TNXB: variants seen among roughly 807,000 people sequenced by gnomAD.
TNXB encodes the protein tenascin XB.
In TNXB, 183 loss-of-function variants were observed where a neutral mutation model predicts 340.5. That is an observed-to-expected ratio of 0.54 (90% CI 0.48 to 0.61). The LOEUF (loss-of-function observed/expected upper bound fraction) is 0.61. Ranked by LOEUF, TNXB falls within the 20% of genes least tolerant of loss-of-function variation. The probability of loss-of-function intolerance (pLI) is 0.00; values close to 1 mark genes in which losing one functional copy is unlikely to be tolerated. For missense variants in TNXB, 4,613 were observed against 5,446.4 expected, an observed-to-expected ratio of 0.85 and a Z score of 4.82; for synonymous variants, 2,121 against 2,314.5, an observed-to-expected ratio of 0.92 and a Z score of 2.40.
Position 32,096,336 on chromosome 6 carries a change from C to T in TNXB, c.1517G>A (p.Arg506His), listed in dbSNP as rs867372806. Residue 506 changes from arginine (R) to histidine (H), a missense_variant, in exon 3 of 44, where the codon CGC (arginine) becomes CAC (histidine). Transcript: ENST00000644971. ...GCACACGCAGCGGCCATCCACGCAGCGCCCGCGCCCGCGACAGTCGCCAGG... is the reference window on the plus strand; with the variant it reads ...GCACACGCAGCGGCCATCCACGCAGTGCCCGCGCCCGCGACAGTCGCCAGG... ...ACPGDCRGRG[R>H]CVDGRCVCNP... 8 of 1,547,374 alleles carry T rather than the reference C, an allele frequency of 5.2e-6. No individual in the cohort carries two copies. Among genetic ancestry groups the T allele is most frequent in the Non-Finnish European group, 6.9e-6 (8 of 1,152,330 alleles).
Position 32,075,525 on chromosome 6 carries a change from G to A in TNXB, c.4376-1573C>T, listed in dbSNP as rs1175283585. On this transcript the variant is annotated intron_variant, in intron 11 of 43. Coordinates refer to ENST00000644971, the MANE Select transcript of TNXB (RefSeq NM_001365276.2). The surrounding 1 kb of genome is among the most constrained non-coding windows in gnomAD (Gnocchi z 4.6). Reference sequence around the variant, plus strand: ...AGGGCTTTCCTCAGACACTGCCCTCGCAGTGAGGCCCTTGCTGTCTCCCTA... The same window carrying A: ...AGGGCTTTCCTCAGACACTGCCCTCACAGTGAGGCCCTTGCTGTCTCCCTA... Among the ~76,000 whole-genome samples, 3 of 152,128 alleles carry A rather than the reference G, an allele frequency of 2.0e-5. No homozygotes were observed. The highest frequency in any genetic ancestry group is 4.4e-5 in the Non-Finnish European group (3 of 68,034).
At chr6:32,100,237 G>A (rs1165433653) in intron 1 of TNXB, among the ~76,000 whole-genome samples, 2 of 151,814 alleles carry the variant, frequency 1.3e-5, no homozygotes, top group African/African-American at 2.4e-5. Context: ...CCTGAGTAGC[G>A]GGGATTACAG....
chr6:32,050,087 C>A lies in TNXB; in HGVS notation c.9350G>T (p.Gly3117Val), dbSNP rs756922390. Residue 3117 changes from glycine (G) to valine (V), a missense_variant, in exon 27 of 44, where the codon GGC becomes GTC. Transcript: ENST00000644971. ...CTTGTATTTATGGTCTGGCTCCAGG[C>A]CTGAGATGGTGACCCCGTCCTCGTG... ...PGHEDGVTIS[G>V]LEPDHKYKMN... 10 of 1,613,742 alleles carry A rather than the reference C, an allele frequency of 6.2e-6. No individual in the cohort carries two copies. The highest frequency in any genetic ancestry group is 1.1e-5 in the South Asian group (1 of 91,086).
In TNXB at chr6:32,087,433, C is replaced by G. The variant is rs1260181274; in HGVS notation, c.2780-1315G>C. 6.3e-6 allele frequency: 3 copies of G among 478,786 alleles called. No individual in the cohort carries two copies. Among genetic ancestry groups the G allele is most frequent in the South Asian group, 4.5e-5 (3 of 66,592 alleles). The allele number at this position is 478,786 out of a possible 1,614,324, so 29.7% of individuals were successfully genotyped here. ...CTGAGGCCGCCAGCGCAGCACCACG[C>G]GCTCGAACTGGCCGCGGAGCCCGTC... On this transcript the variant is annotated intron_variant, in intron 6 of 43. Coordinates refer to ENST00000644971, the MANE Select transcript of TNXB (RefSeq NM_001365276.2). This position sits in a 1 kb window ranked among gnomAD's most constrained non-coding sequence, Gnocchi z 9.0.
In TNXB at chr6:32,069,297, A is replaced by C. The variant is rs1425795640; in HGVS notation, c.5588-161T>G. 4.6e-5 allele frequency among the ~76,000 whole-genome samples: 7 copies of C among 152,248 alleles called. No individual in the cohort carries two copies. On this transcript the variant is annotated intron_variant, in intron 15 of 43. Transcript: ENST00000644971. The surrounding 1 kb of genome is among the most constrained non-coding windows in gnomAD (Gnocchi z 6.2). ...ATTTCAAAAGCATTGTGCTAATTGC[A>C]AGAAATGAAACACAAGAGACTGCGT...
chr6:32,084,451 T>C lies in TNXB; in HGVS notation c.3407A>G (p.Lys1136Arg), dbSNP rs1285395327. 2 of 1,597,922 alleles carry C rather than the reference T, an allele frequency of 1.3e-6. No individual in the cohort carries two copies. The highest frequency in any genetic ancestry group is 1.7e-6 in the Non-Finnish European group (2 of 1,170,850). The change falls in exon 8 of 44, where the codon AAG becomes AGG. Residue 1136 changes from lysine (K) to arginine (R), a missense_variant. This residue lies in a region of TNXB where 4,327 missense variants were observed against 4,859.4 expected (regional missense o/e 0.89). Coordinates refer to ENST00000644971, the MANE Select transcript of TNXB (RefSeq NM_001365276.2). The surrounding 1 kb of genome is among the most constrained non-coding windows in gnomAD (Gnocchi z 5.5). Reference sequence around the variant, plus strand: ...AGCCACCAGCGGACCATGCCTCTTCTTGCCAACAAACCCATACAGGACAAA... The same window carrying C: ...AGCCACCAGCGGACCATGCCTCTTCCTGCCAACAAACCCATACAGGACAAA... ...YKFVLYGFVG[K>R]KRHGPLVAEA...
At chr6:32,056,994 A>G (rs1777700757) in intron 22 of TNXB, 91 bp from the exon 23 acceptor site, 1 of 1,515,798 alleles carries the variant, frequency 6.6e-7, no homozygotes, top group Non-Finnish European at 9.0e-7. Flanking sequence ...CAAAGTGCCC[A>G]AGAGCAGGAC....
intron 33 of TNXB, 21 bp from the exon 34 acceptor site, chr6:32,044,150 A>G: frequency 6.8e-7 from 1 of 1,471,780 alleles, no homozygotes. Flanking sequence ...GTCAAGGAAC[A>G]ATGACGCAGG....
Position 32,079,019 on chromosome 6 carries a change from T to C in TNXB, c.4375+14A>G. On this transcript the variant is annotated intron_variant, in intron 11 of 43. Coordinates refer to ENST00000644971, the MANE Select transcript of TNXB (RefSeq NM_001365276.2). The surrounding 1 kb of genome is among the most constrained non-coding windows in gnomAD (Gnocchi z 7.1). ...GTGGGAGGGAACCAAAGCAGGCCCC[T>C]GCCCCTCACTCACCTGTCACGCCCA... 1 of 1,607,356 alleles carries C rather than the reference T, an allele frequency of 6.2e-7. No individual in the cohort carries two copies. The highest frequency in any genetic ancestry group is 1.1e-5 in the South Asian group (1 of 90,776).
In TNXB at chr6:32,051,417, AAG is replaced by A. The variant is rs1777277807; in HGVS notation, c.9116-1098_9116-1097del. Among the ~76,000 whole-genome samples, 1 of 152,230 alleles carries A rather than the reference AAG, an allele frequency of 6.6e-6. No individual in the cohort carries two copies. Among genetic ancestry groups the A allele is most frequent in the Non-Finnish European group, 1.5e-5 (1 of 68,038 alleles). ...AGAAAAATTCGCTTCAACAAATTCT[AAG>A]AGAGTTTCCAAATCTGTTACTGGGA... On this transcript the variant is annotated intron_variant, in intron 26 of 43. Coordinates refer to ENST00000644971, the MANE Select transcript of TNXB (RefSeq NM_001365276.2). The surrounding 1 kb of genome is among the most constrained non-coding windows in gnomAD (Gnocchi z 4.7).
At chr6:32,041,615 C>T in intron 43 of TNXB, 156 bp downstream of exon 43, 1 of 1,082,448 alleles carries the variant, frequency 9.2e-7, no homozygotes, top group East Asian at 2.6e-5. Flanking sequence ...TGGCCCTTTC[C>T]AGCCAATAAA....
At chr6:32,086,717 C>T (rs1417528185) in intron 6 of TNXB, among the ~76,000 whole-genome samples, 1 of 152,198 alleles carries the variant, frequency 6.6e-6, no homozygotes, top group African/African-American at 2.4e-5. Context: ...GAAAAGCCAG[C>T]TTAAGAAGCA....
intron 6 of TNXB, among the ~76,000 whole-genome samples, chr6:32,086,455 G>A (rs963397696): frequency 6.6e-6 from 1 of 152,188 alleles, no homozygotes; most frequent in African/African-American, 2.4e-5. Context: ...GTGGTCAGGT[G>A]GCTTCCATTA....
rs778869370 is a variant in TNXB at position 32,089,337 on chromosome 6, A to G, written c.2401T>C (p.Ser801Pro). ...SPPFTARVPS[S>P]ASAYDQRGLA... is the part of the protein sequence containing the mutation. ...CCTCTCTGGTCATAGGCTGAGGCAGAGCTTGGAACCCGTGCTGTGAATGGG... is the reference window on the plus strand; with the variant it reads ...CCTCTCTGGTCATAGGCTGAGGCAGGGCTTGGAACCCGTGCTGTGAATGGG... The change falls in exon 5 of 44, where the codon TCT becomes CCT. Residue 801 changes from serine to proline, a missense_variant. Coordinates refer to ENST00000644971, the MANE Select transcript of TNXB (RefSeq NM_001365276.2). This position sits in a 1 kb window ranked among gnomAD's most constrained non-coding sequence, Gnocchi z 6.2. 6.2e-7 allele frequency: 1 copy of G among 1,608,372 alleles called. No homozygotes were observed. Among genetic ancestry groups the G allele is most frequent in the Non-Finnish European group, 8.5e-7 (1 of 1,178,330 alleles).
At position 32,048,462 on chromosome 6, in the gene TNXB, C is replaced by T. The variant is rs201452909; in HGVS notation, c.9946G>A (p.Ala3316Thr). ...CGGGCCGGGTCCAGCCCCGAGACGG[C>T]GACCGCTCGGAGGTCTCCGCTCACA... ...VPVSGDLRAV[A>T]VSGLDPARKY... Residue 3316 changes from alanine (A) to threonine (T), a missense_variant, in exon 29 of 44, where the codon GCC becomes ACC. By Grantham distance (58) the Ala-to-Thr change is moderately conservative. This residue lies in a region of TNXB where 4,327 missense variants were observed against 4,859.4 expected (regional missense o/e 0.89). Coordinates refer to ENST00000644971, the MANE Select transcript of TNXB (RefSeq NM_001365276.2). The T allele has an allele frequency of 6.3e-4, 995 of 1,589,666 alleles. 6 individuals carry two copies. The Middle Eastern group carries it at 6.7e-3, about 11-fold the overall frequency.
In TNXB at chr6:32,047,307, G is replaced by A. The variant is rs1372712900; in HGVS notation, c.10324+427C>T. ...CATAGTGACACCAGGTTTTTCCATC[G>A]TCTTTCCATAGCCAAGCCCTCCCTT... is the stretch of plus-strand genomic sequence containing the variant. On this transcript the variant is annotated intron_variant, in intron 30 of 43. Coordinates refer to ENST00000644971, the MANE Select transcript of TNXB (RefSeq NM_001365276.2). The surrounding 1 kb of genome is among the most constrained non-coding windows in gnomAD (Gnocchi z 6.2). Among the ~76,000 whole-genome samples, 3 of 152,216 alleles carry A rather than the reference G, an allele frequency of 2.0e-5. No individual in the cohort carries two copies. The highest frequency in any genetic ancestry group is 6.5e-5 in the Admixed American group (1 of 15,286).
intron 18 of TNXB, among the ~76,000 whole-genome samples, chr6:32,065,426 C>T (rs1778285517): frequency 6.6e-6 from 1 of 152,056 alleles, no homozygotes; most frequent in African/African-American, 2.4e-5. Context: ...GTGGGCCTTC[C>T]CTGATTACTC....
At position 32,073,667 on chromosome 6, in the gene TNXB, AG is replaced by A; in HGVS notation, c.4660del (p.Leu1554CysfsTer6). On this transcript the variant is annotated frameshift_variant, in exon 12 of 44. Transcript: ENST00000644971. LOFTEE classifies it high-confidence loss of function. This position sits in a 1 kb window ranked among gnomAD's most constrained non-coding sequence, Gnocchi z 4.6. The part of the protein sequence containing the change: ...GLHDGQRMGP[L>X]SVVIVTAPLP... ...CTCACCCGTCACGATGACCACAGAC[AG>A]GGGGCCCATGCGTTGCCCATCATGT... 6.2e-7 allele frequency: 1 copy of A among 1,608,602 alleles called. No homozygotes were observed. The highest frequency in any genetic ancestry group is 8.5e-7 in the Non-Finnish European group (1 of 1,177,748).
Position 32,073,510 on chromosome 6 carries a change from G to T in TNXB, c.4681+137C>A, listed in dbSNP as rs535161150. 5.5e-6 allele frequency: 4 copies of T among 722,106 alleles called. No individual in the cohort carries two copies. Among genetic ancestry groups the T allele is most frequent in the Non-Finnish European group, 8.9e-6 (4 of 447,308 alleles). The allele number at this position is 722,106 out of a possible 1,614,324, so 44.7% of individuals were successfully genotyped here. ...GTCAGGGAACAGAAAGACTGGCAGG[G>T]TCACCGAGCCAGGGCCTGAGGGGAT... On this transcript the variant is annotated intron_variant, in intron 12 of 43. Transcript: ENST00000644971. The surrounding 1 kb of genome is among the most constrained non-coding windows in gnomAD (Gnocchi z 4.6).
Sources: gnomAD v4.1 joint callset for allele counts (sites outside exome capture counted in the v4.1 genomes callset) on GRCh38, gnomAD v4.1.1 for gene constraint, gnomAD v4.1.1 regional missense constraint, Gnocchi (gnomAD v3.1) non-coding constraint, MANE v1.5 for transcripts, NCBI Gene and HGNC (gene_info 2026-07-23, HGNC 2026-07-21) for gene names.